CLEC16A: variants seen among roughly 807,000 people sequenced by gnomAD.
CLEC16A encodes the protein C-type lectin domain containing 16A.
CLEC16A carries 51 observed loss-of-function variants against 109.5 expected under a neutral mutation model. The ratio of observed to expected loss-of-function variants is 0.47; its 90% CI spans 0.37 to 0.59. The LOEUF (loss-of-function observed/expected upper bound fraction) is 0.59. Among genes scored for constraint, CLEC16A ranks in the 20% least tolerant of loss-of-function variants. The pLI, the probability that CLEC16A is intolerant of heterozygous loss-of-function variation, is 0.00. For synonymous variants in CLEC16A, 673 were observed against 564.2 expected (o/e 1.19, Z -2.73); for missense variants, 1,339 against 1,394.0 (o/e 0.96, Z 0.63).
intron 22 of CLEC16A, among the ~76,000 whole-genome samples, chr16:11,139,792 A>T (rs1291896348): frequency 6.6e-6 from 1 of 152,224 alleles, no homozygotes. Context: ...AATATTTGCT[A>T]GCTGGTAAAA....
In CLEC16A at chr16:11,179,056, C is replaced by G. The variant is rs200106703; in HGVS notation, c.*366C>G. The stretch of plus-strand genomic sequence containing the variant: ...CCTCTGTCACCAGCCCCAGTGTGCA[C>G]AGAAGAATTGGACCAGGTCACTGTA... On this transcript the variant is annotated 3_prime_UTR_variant, in exon 24 of 24. Transcript: ENST00000409790. The G allele has an allele frequency of 2.6e-5, 6 of 234,060 alleles. No individual in the cohort carries two copies. 14.5% of individuals were successfully genotyped at this position (234,060 alleles called of 1,614,324 possible). A position where few individuals can be genotyped will look rare whatever the true frequency, so the allele number is the denominator to read the frequency against.
At chr16:11,166,802 G>A (rs1473058098) in intron 23 of CLEC16A, among the ~76,000 whole-genome samples, 2 of 152,234 alleles carry the variant, frequency 1.3e-5, no homozygotes, top group African/African-American at 4.8e-5. Flanking sequence ...GTCACTGACT[G>A]CAGAGCTGAT....
chr16:11,123,883 G>A lies in CLEC16A; in HGVS notation c.2410G>A (p.Ala804Thr), dbSNP rs74163623. Reference sequence around the variant, plus strand: ...CTCAGACCACATCCGCTGCATCATCGCCAAGCAGCGCCTGGCCAAAGGCCG... The same window carrying A: ...CTCAGACCACATCCGCTGCATCATCACCAAGCAGCGCCTGGCCAAAGGCCG... ...IFSDHIRCIIAKQRLAKGRIQ... is the reference protein window; with the variant it reads ...IFSDHIRCIITKQRLAKGRIQ... Residue 804 changes from alanine to threonine, a missense_variant, in exon 21 of 24, where the codon GCC becomes ACC. By Grantham distance (58) the Ala-to-Thr change is moderately conservative. Transcript: ENST00000409790. 3.7e-6 allele frequency: 6 copies of A among 1,613,820 alleles called. No homozygotes were observed. The highest frequency in any genetic ancestry group is 4.2e-6 in the Non-Finnish European group (5 of 1,179,880).
At position 11,024,897 on chromosome 16, in the gene CLEC16A, C is replaced by T; in HGVS notation, c.1513C>T (p.Leu505Phe). The T allele has an allele frequency of 6.2e-7, 1 of 1,609,130 alleles. No individual in the cohort carries two copies. Among genetic ancestry groups the T allele is most frequent in the Non-Finnish European group, 8.5e-7 (1 of 1,177,726 alleles). ...DYHALFVLCL[L>F]YAMSHNKGMD... ...CCATGCCCTGTTCGTGCTCTGCCTCCTCTATGCCATGTCTCATAATAAAGG... is the reference window on the plus strand; with the variant it reads ...CCATGCCCTGTTCGTGCTCTGCCTCTTCTATGCCATGTCTCATAATAAAGG... The change falls in exon 13 of 24, where the codon CTC becomes TTC. Residue 505 changes from leucine to phenylalanine, a missense_variant. Around this residue, in one of 3 missense-constraint regions of CLEC16A, gnomAD observed 1,061 missense variants for 1,006.8 expected, o/e 1.05. Transcript: ENST00000409790.
intron 22 of CLEC16A, chr16:11,126,379 A>G (rs1257282622): frequency 1.4e-6 from 2 of 1,442,502 alleles, no homozygotes; most frequent in Non-Finnish European, 1.8e-6. Flanking sequence ...TTTGTTGGGT[A>G]TGTGGAAGAA....
chr16:10,992,591 T>C (rs375064324), intron 10 of CLEC16A, among the ~76,000 whole-genome samples: 3 of 152,166 alleles, frequency 2.0e-5, no homozygotes, highest in African/African-American at 7.2e-5. Flanking sequence ...CAAATAATAT[T>C]GTGCTGGGTG....
chr16:11,096,813 GA>G (rs1353658082), intron 19 of CLEC16A, among the ~76,000 whole-genome samples: 2 of 152,156 alleles, frequency 1.3e-5, no homozygotes, highest in Non-Finnish European at 2.9e-5. Context: ...TGTCTTCTAT[GA>G]AAGATGATGC....
In CLEC16A at chr16:11,091,328, A is replaced by G. The variant is rs138567223; in HGVS notation, c.2117-29287A>G. 4.7e-4 allele frequency among the ~76,000 whole-genome samples: 71 copies of G among 152,374 alleles called. No individual in the cohort carries two copies. The East Asian group carries it at 0.013, about 28-fold the overall frequency. On this transcript the variant is annotated intron_variant, in intron 19 of 23. Coordinates refer to ENST00000409790, the MANE Select transcript of CLEC16A (RefSeq NM_015226.3). ...CTCACAGGCCTATTCAGTATCGGCC[A>G]CTTGATGAAGAAGCCTTACTTTGTG...
rs201275329 is a variant in CLEC16A, at chr16:11,179,761, C to T, written c.*1071C>T. ...GCCGAGAGATGGCCCAGAGCCAGTT[C>T]CCCTCCAGCTGCAAGGGCATGGTGT... On this transcript the variant is annotated 3_prime_UTR_variant, in exon 24 of 24. Transcript: ENST00000409790. The T allele has an allele frequency of 2.0e-5, 3 of 152,406 alleles. No homozygotes were observed. The highest frequency in any genetic ancestry group is 1.9e-4 in the East Asian group (1 of 5,204). 9.4% of individuals were successfully genotyped at this position (152,406 alleles called of 1,614,324 possible). A position where few individuals can be genotyped will look rare whatever the true frequency, so the allele number is the denominator to read the frequency against.
At chr16:10,999,291 G>T (rs1009338350) in intron 10 of CLEC16A, among the ~76,000 whole-genome samples, 4 of 152,052 alleles carry the variant, frequency 2.6e-5, no homozygotes. Context: ...AAACCAAAAG[G>T]TATAAAATAA....
chr16:11,075,428 A>ATGTGTGTGTGTGTGTGTATG, intron 19 of CLEC16A, among the ~76,000 whole-genome samples: 1 of 108,008 alleles, frequency 9.3e-6, no homozygotes, highest in African/African-American at 3.5e-5. Flanking sequence ...GTGTGTGTGT[A>ATGTGTGTGTGTGTGTGTATG]TGTGTGTGTG....
In CLEC16A at chr16:11,028,069, G is replaced by A. The variant is rs140392661; in HGVS notation, c.1537+3148G>A. Reference sequence around the variant, plus strand: ...TAAAAAATTAGCCGGGCATGGTGGCGCATGCCTGTAATCCCAGCTACTCAG... The same window carrying A: ...TAAAAAATTAGCCGGGCATGGTGGCACATGCCTGTAATCCCAGCTACTCAG... On this transcript the variant is annotated intron_variant, in intron 13 of 23. Transcript: ENST00000409790. 7.9e-3 allele frequency among the ~76,000 whole-genome samples: 1,198 copies of A among 152,304 alleles called. 15 individuals are homozygous for A. The highest frequency in any genetic ancestry group is 0.027 in the African/African-American group (1,118 of 41,560).
At chr16:11,009,131 C>G (rs1004030568) in intron 11 of CLEC16A, among the ~76,000 whole-genome samples, 3 of 152,180 alleles carry the variant, frequency 2.0e-5, no homozygotes, top group African/African-American at 4.8e-5. Context: ...CTTTGATGTT[C>G]TGTCTTTATG....
intron 13 of CLEC16A, among the ~76,000 whole-genome samples, chr16:11,030,255 A>T (rs781470872): frequency 6.6e-6 from 1 of 152,190 alleles, no homozygotes; most frequent in African/African-American, 2.4e-5. Flanking sequence ...TTTCTCTTGG[A>T]TAAATACCTA....
At chr16:11,005,334 C>T (rs1161754163) in intron 11 of CLEC16A, among the ~76,000 whole-genome samples, 1 of 152,148 alleles carries the variant, frequency 6.6e-6, no homozygotes, top group East Asian at 1.9e-4. Flanking sequence ...GGGCAGGGTA[C>T]AAGGGAACGA....
rs59547466 is a variant in CLEC16A, at chr16:10,986,012, ATTTTTTTTTTTTTTTTTT to A, written c.1071+3040_1071+3057del. ...TGAGACACTGCACCTGGCCTGCAGA[ATTTTTTTTTTTTTTTTTT>A]TTTTTTTTTTTTTTTTTTGAGACTG... On this transcript the variant is annotated intron_variant, in intron 10 of 23. Coordinates refer to ENST00000409790, the MANE Select transcript of CLEC16A (RefSeq NM_015226.3). 1.8e-4 allele frequency among the ~76,000 whole-genome samples: 8 copies of A among 43,436 alleles called. 1 individual carries two copies. The highest frequency in any genetic ancestry group is 7.3e-4 in the Admixed American group (2 of 2,750). 28.5% of individuals were successfully genotyped at this position (43,436 alleles called of 152,430 possible).
chr16:11,138,739 G>T (rs555369130), intron 22 of CLEC16A, among the ~76,000 whole-genome samples: 10 of 152,184 alleles, frequency 6.6e-5, no homozygotes, highest in Non-Finnish European at 1.0e-4. Flanking sequence ...GCGTATCCTG[G>T]AGTGTTTTTC....
intron 21 of CLEC16A, among the ~76,000 whole-genome samples, 179 bp from the exon 22 acceptor site, chr16:11,125,800 G>A (rs546853623): frequency 6.6e-6 from 1 of 152,314 alleles, no homozygotes; most frequent in South Asian, 2.1e-4. Flanking sequence ...TTGAGCCTCA[G>A]TGGGAACTTT....
chr16:10,948,994 T>C (rs1189630828), intron 1 of CLEC16A, among the ~76,000 whole-genome samples: 1 of 152,140 alleles, frequency 6.6e-6, no homozygotes, highest in East Asian at 1.9e-4. Flanking sequence ...GCCAAAGGTA[T>C]AGGGGGATCT....
Sources: gnomAD v4.1 joint callset for allele counts (sites outside exome capture counted in the v4.1 genomes callset) on GRCh38, gnomAD v4.1.1 for gene constraint, gnomAD v4.1.1 regional missense constraint, MANE v1.5 for transcripts, NCBI Gene and HGNC (gene_info 2026-07-23, HGNC 2026-07-21) for gene names.